Variants in WASHC5 observed in about 807,000 individuals in gnomAD.
WASHC5 encodes the protein WASH complex subunit strumpellin.
A neutral mutation model predicts 150.4 loss-of-function variants in WASHC5; 101 were observed. The observed-to-expected ratio is 0.67, with a 90% CI of 0.57 to 0.79. The LOEUF (loss-of-function observed/expected upper bound fraction) is 0.79, where lower values mean the gene tolerates loss of function less well. WASHC5 is among the 30% of genes least tolerant of loss of function. WASHC5 has a pLI of 0.00. For missense variants in WASHC5, 1,195 were observed against 1,396.3 expected, an observed-to-expected ratio of 0.86 and a Z score of 2.30; for synonymous variants, 467 against 491.2, an observed-to-expected ratio of 0.95 and a Z score of 0.65.
At chr8:125,029,013 T>C (rs1332038902) in intron 27 of WASHC5, among the ~76,000 whole-genome samples, 1 of 149,250 alleles carries the variant, frequency 6.7e-6, no homozygotes, top group Non-Finnish European at 1.5e-5. Flanking sequence ...GGTCCCATAC[T>C]TTCCCATCCC....
At chr8:125,041,420 G>A (rs925129735) in intron 23 of WASHC5, among the ~76,000 whole-genome samples, 7 of 152,216 alleles carry the variant, frequency 4.6e-5, no homozygotes, top group Middle Eastern at 3.4e-3. Context: ...CAGGCTGATC[G>A]CTTGAGGCTA....
At chr8:125,082,882 T>C (rs1360502684) in intron 3 of WASHC5, 1 of 435,710 alleles carries the variant, frequency 2.3e-6, no homozygotes, top group East Asian at 4.1e-5. Context: ...GGAAACTATA[T>C]GACTTAGTTA....
At chr8:125,047,586 C>T (rs372327322) in intron 19 of WASHC5, among the ~76,000 whole-genome samples, 21 of 151,950 alleles carry the variant, frequency 1.4e-4, no homozygotes, top group South Asian at 1.0e-3. Flanking sequence ...TACAGGCACC[C>T]GCCACCATGC....
At chr8:125,035,001 T>C (rs899945329) in intron 26 of WASHC5, among the ~76,000 whole-genome samples, 3 of 152,206 alleles carry the variant, frequency 2.0e-5, no homozygotes, top group African/African-American at 7.2e-5. Flanking sequence ...AGGCTCTCTT[T>C]ACAGTTTCAA....
At chr8:125,033,546 G>C (rs1181086058) in intron 26 of WASHC5, among the ~76,000 whole-genome samples, 1 of 150,348 alleles carries the variant, frequency 6.7e-6, no homozygotes, top group East Asian at 1.9e-4. Flanking sequence ...GAAGAAGGCA[G>C]AGATTTCTTT....
At chr8:125,029,176 T>C (rs1379167926) in intron 27 of WASHC5, among the ~76,000 whole-genome samples, 1 of 152,082 alleles carries the variant, frequency 6.6e-6, no homozygotes, top group African/African-American at 2.4e-5. Context: ...GGATTACAGA[T>C]GCACGCCAGC....
Position 125,068,400 on chromosome 8 carries a change from C to A in WASHC5, c.1151-681G>T, listed in dbSNP as rs188929596. ...TTCCTGGTTGACAACACTTCATATG[C>A]ATTGTCATGACTCACTGCTGGGGGA... On this transcript the variant is annotated intron_variant, in intron 9 of 28. Transcript: ENST00000318410. Among the ~76,000 whole-genome samples, 3 of 152,320 alleles carry A rather than the reference C, an allele frequency of 2.0e-5. No homozygotes were observed. In the East Asian group the frequency reaches 5.8e-4, roughly 29 times the overall value.
At position 125,034,998 on chromosome 8, in the gene WASHC5, C is replaced by T. The variant is rs143224192; in HGVS notation, c.3181+2239G>A. Among the ~76,000 whole-genome samples, 59 of 152,312 alleles carry T rather than the reference C, an allele frequency of 3.9e-4. No homozygotes were observed. The East Asian group carries it at 0.011, about 29-fold the overall frequency. On this transcript the variant is annotated intron_variant, in intron 26 of 28. Coordinates refer to ENST00000318410, the MANE Select transcript of WASHC5 (RefSeq NM_014846.4). ...TTCGGATATACAGTTTCAAGGCTCTCTTTACAGTTTCAATAATCAAGACAT... is the reference window on the plus strand; with the variant it reads ...TTCGGATATACAGTTTCAAGGCTCTTTTTACAGTTTCAATAATCAAGACAT...
In WASHC5 at chr8:125,076,962, C is replaced by T. The variant is rs529550748; in HGVS notation, c.712-462G>A. Among the ~76,000 whole-genome samples, 8 of 152,254 alleles carry T rather than the reference C, an allele frequency of 5.3e-5. 1 individual carries two copies. The highest frequency in any genetic ancestry group is 3.9e-4 in the East Asian group (2 of 5,176). ...ATGACCTCACAACCATCCAATTCAA[C>T]GGCTTCTTTTTAAGACTCTCACTTA... On this transcript the variant is annotated intron_variant, in intron 6 of 28. Coordinates refer to ENST00000318410, the MANE Select transcript of WASHC5 (RefSeq NM_014846.4).
At chr8:125,071,685 T>C (rs1816899897) in intron 9 of WASHC5, among the ~76,000 whole-genome samples, 1 of 152,176 alleles carries the variant, frequency 6.6e-6, no homozygotes, top group Non-Finnish European at 1.5e-5. Flanking sequence ...AACTGTCTGT[T>C]TGACACACCT....
intron 9 of WASHC5, among the ~76,000 whole-genome samples, chr8:125,068,426 A>T (rs1189611028): frequency 6.6e-6 from 1 of 152,190 alleles, no homozygotes; most frequent in East Asian, 1.9e-4. Flanking sequence ...TGCTGGGGGA[A>T]TTAAGTGTGC....
chr8:125,078,598 G>T (rs1370331022), intron 6 of WASHC5, 140 bp downstream of exon 6: 1 of 683,226 alleles, frequency 1.5e-6, no homozygotes, highest in African/African-American at 1.8e-5. Flanking sequence ...TATCATCCTG[G>T]GGTGTAGCTC....
At position 125,055,621 on chromosome 8, in the gene WASHC5, CATT is replaced by C; in HGVS notation, c.2064_2066del (p.Met690del). 1.9e-6 allele frequency: 3 copies of C among 1,612,962 alleles called. No individual in the cohort carries two copies. Among genetic ancestry groups the C allele is most frequent in the Non-Finnish European group, 1.7e-6 (2 of 1,178,980 alleles). ...TGATGCCAACCAAAGTCGTTTTCAT[CATT>C]AAGATGCCTTCAGTAAAAATGGAAA... On this transcript the variant is annotated inframe_deletion, in exon 17 of 29. Coordinates refer to ENST00000318410, the MANE Select transcript of WASHC5 (RefSeq NM_014846.4).
Position 125,091,464 on chromosome 8 carries a change from C to A in WASHC5, c.-125+151G>T, listed in dbSNP as rs551054349. Among the ~76,000 whole-genome samples the A allele has an allele frequency of 1.7e-4, 26 of 152,252 alleles. No individual in the cohort carries two copies. The South Asian group carries it at 2.3e-3, about 13-fold the overall frequency. The stretch of plus-strand genomic sequence containing the variant: ...CGGAGACGAAGAGCTGGATTACAGC[C>A]CCCGCCCCAGAAAGCCCCTAAGCCC... On this transcript the variant is annotated intron_variant, in intron 1 of 28. Coordinates refer to ENST00000318410, the MANE Select transcript of WASHC5 (RefSeq NM_014846.4).
At chr8:125,048,072 C>T (rs1816127125) in intron 19 of WASHC5, among the ~76,000 whole-genome samples, 1 of 152,086 alleles carries the variant, frequency 6.6e-6, no homozygotes. Flanking sequence ...CCCAGAAATA[C>T]CACATATAAC....
chr8:125,043,771 TA>T (rs1815964322), intron 23 of WASHC5, 53 bp downstream of exon 23: 1 of 1,294,770 alleles, frequency 7.7e-7, no homozygotes, highest in Non-Finnish European at 1.1e-6. Context: ...TACAAGAAAA[TA>T]AAAAATTTAA....
In WASHC5 at chr8:125,061,265, A is replaced by G. The variant is rs1264856752; in HGVS notation, c.1409-71T>C. On this transcript the variant is annotated intron_variant, in intron 11 of 28. Transcript: ENST00000318410. Reference sequence around the variant, plus strand: ...TAGCTGTGGCTTTGAATTTAACTAAATAATCTTTTATAAATTCAGTTCTTC... The same window carrying G: ...TAGCTGTGGCTTTGAATTTAACTAAGTAATCTTTTATAAATTCAGTTCTTC... The G allele has an allele frequency of 8.4e-6, 7 of 835,674 alleles. No individual in the cohort carries two copies. In the African/African-American group the frequency reaches 1.2e-4, roughly 14 times the overall value. 51.8% of individuals were successfully genotyped at this position (835,674 alleles called of 1,614,324 possible). A position where few individuals can be genotyped will look rare whatever the true frequency, so the allele number is the denominator to read the frequency against.
Position 125,077,049 on chromosome 8 carries a change from A to G in WASHC5, c.712-549T>C, listed in dbSNP as rs970280588. Among the ~76,000 whole-genome samples, 9 of 152,042 alleles carry G rather than the reference A, an allele frequency of 5.9e-5. 1 individual carries two copies. The highest frequency in any genetic ancestry group is 1.9e-4 in the African/African-American group (8 of 41,374). On this transcript the variant is annotated intron_variant, in intron 6 of 28. Coordinates refer to ENST00000318410, the MANE Select transcript of WASHC5 (RefSeq NM_014846.4). ...TCCTAGATACCACTCTCTCTTCTCA[A>G]TCTCCTTTGCTGAGTCCTCATCTTC...
intron 6 of WASHC5, among the ~76,000 whole-genome samples, chr8:125,078,432 T>G (rs1817127129): frequency 6.6e-6 from 1 of 152,100 alleles, no homozygotes; most frequent in African/African-American, 2.4e-5. Context: ...CGGTGATGGG[T>G]CCCCAGCATT....
Sources: gnomAD v4.1 joint callset for allele counts (sites outside exome capture counted in the v4.1 genomes callset) on GRCh38, gnomAD v4.1.1 for gene constraint, MANE v1.5 for transcripts, NCBI Gene and HGNC (gene_info 2026-07-23, HGNC 2026-07-21) for gene names.